Variants in EYS observed in about 807,000 individuals in gnomAD.
The protein encoded by EYS is EGF-like photoreceptor maintenance factor, also known as protein eyes shut homolog.
A neutral mutation model predicts 282.1 loss-of-function variants in EYS; 250 were observed. The observed-to-expected ratio is 0.89, with a 90% CI of 0.80 to 0.98. EYS has a LOEUF of 0.98. Ranked by LOEUF, EYS falls within the 50% of genes least tolerant of loss-of-function variation. The pLI is 0.00. For missense variants in EYS, 4,016 were observed against 3,709.0 expected, an observed-to-expected ratio of 1.08 and a Z score of -2.15; for synonymous variants, 1,355 against 1,282.9, an observed-to-expected ratio of 1.06 and a Z score of -1.20.
At chr6:65,412,440 C>T (rs1298544081) in intron 5 of EYS, among the ~76,000 whole-genome samples, 1 of 152,154 alleles carries the variant, frequency 6.6e-6, no homozygotes, top group African/African-American at 2.4e-5. Context: ...TACTAGTTTA[C>T]ATTTTCCACA....
At chr6:63,815,210 C>G (rs1771148561) in intron 36 of EYS, among the ~76,000 whole-genome samples, 1 of 152,104 alleles carries the variant, frequency 6.6e-6, no homozygotes, top group African/African-American at 2.4e-5. Flanking sequence ...GCTAGATGCC[C>G]TATCTAAATT....
intron 14 of EYS, among the ~76,000 whole-genome samples, chr6:64,979,347 A>G (rs1770578466): frequency 6.6e-6 from 1 of 151,800 alleles, no homozygotes; most frequent in Admixed American, 6.6e-5. Flanking sequence ...TGTACTAGCT[A>G]ATTAATTATA....
At chr6:64,225,538 C>T (rs1444421566) in intron 31 of EYS, among the ~76,000 whole-genome samples, 1 of 152,016 alleles carries the variant, frequency 6.6e-6, no homozygotes, top group Non-Finnish European at 1.5e-5. Context: ...CTTCCCATTG[C>T]TTTCTTTGAA....
At chr6:64,640,665 C>T (rs1396507060) in intron 22 of EYS, among the ~76,000 whole-genome samples, 1 of 151,956 alleles carries the variant, frequency 6.6e-6, no homozygotes, top group Non-Finnish European at 1.5e-5. Flanking sequence ...CACATGTATA[C>T]ATATGTAACT....
At chr6:64,244,018 C>T (rs368237895) in intron 30 of EYS, among the ~76,000 whole-genome samples, 265 of 152,132 alleles carry the variant, frequency 1.7e-3, no homozygotes, top group African/African-American at 6.1e-3. Flanking sequence ...AAAAATGTCC[C>T]CAGTTTTCAT....
At chr6:65,406,351 G>T (rs951241088) in intron 5 of EYS, among the ~76,000 whole-genome samples, 1 of 151,802 alleles carries the variant, frequency 6.6e-6, no homozygotes, top group Non-Finnish European at 1.5e-5. Context: ...TACGTGATTT[G>T]GCTTTCCATT....
At position 63,721,417 on chromosome 6, in the gene EYS, C is replaced by T; in HGVS notation, c.8614G>A (p.Gly2872Ser). 6.4e-7 allele frequency: 1 copy of T among 1,551,686 alleles called. No homozygotes were observed. Among genetic ancestry groups the T allele is most frequent in the Non-Finnish European group, 8.7e-7 (1 of 1,146,944 alleles). ...EFGAKGGSNVGDCDGTACGYN... is the reference protein window; with the variant it reads ...EFGAKGGSNVSDCDGTACGYN... ...CCACAGGCTGTCCCATCACAGTCACCTACATTTGAGCCACCTTTTGCTCCA... is the reference window on the plus strand; with the variant it reads ...CCACAGGCTGTCCCATCACAGTCACTTACATTTGAGCCACCTTTTGCTCCA... The change falls in exon 43 of 43, where the codon GGT (glycine) becomes AGT (serine). Residue 2872 changes from glycine (G) to serine (S), a missense_variant. Physicochemically the swap from Gly to Ser is moderately conservative, Grantham distance 56. Transcript: ENST00000503581.
intron 14 of EYS, among the ~76,000 whole-genome samples, chr6:64,987,090 T>C (rs544782354): frequency 1.3e-5 from 2 of 151,640 alleles, no homozygotes; most frequent in Admixed American, 6.6e-5. Context: ...TTATTATCAA[T>C]ATATTTAGAA....
At chr6:64,588,579 G>T (rs1766304569) in intron 26 of EYS, among the ~76,000 whole-genome samples, 1 of 151,966 alleles carries the variant, frequency 6.6e-6, no homozygotes, top group African/African-American at 2.4e-5. Flanking sequence ...TTCCATTTTA[G>T]GTTCTGGTCC....
chr6:65,601,433 T>C (rs1443734894), intron 2 of EYS, among the ~76,000 whole-genome samples: 4 of 151,922 alleles, frequency 2.6e-5, no homozygotes, highest in South Asian at 2.1e-4. Context: ...ATGCTTTTTT[T>C]TCCCCCACAG....
At chr6:63,865,370 G>A (rs1464454601) in intron 35 of EYS, among the ~76,000 whole-genome samples, 2 of 152,172 alleles carry the variant, frequency 1.3e-5, no homozygotes, top group African/African-American at 4.8e-5. Context: ...CTGTAGTTAT[G>A]TGAGACAATA....
intron 29 of EYS, among the ~76,000 whole-genome samples, chr6:64,343,476 G>A (rs1265750730): frequency 6.6e-6 from 1 of 152,046 alleles, no homozygotes; most frequent in Admixed American, 6.6e-5. Context: ...ATAATGAAAT[G>A]AAGGCAGAAA....
intron 24 of EYS, among the ~76,000 whole-genome samples, chr6:64,595,782 A>G (rs1005343193): frequency 1.3e-5 from 2 of 152,222 alleles, no homozygotes; most frequent in Admixed American, 1.3e-4. Context: ...AAGACATTGA[A>G]GAGGACAGAA....
At chr6:64,909,534 A>C (rs2150075202) in intron 16 of EYS, among the ~76,000 whole-genome samples, 1 of 152,256 alleles carries the variant, frequency 6.6e-6, no homozygotes, top group East Asian at 1.9e-4. Flanking sequence ...TATATAAAAT[A>C]ACCATATTGA....
intron 31 of EYS, among the ~76,000 whole-genome samples, chr6:64,101,606 A>G (rs1772829651): frequency 6.6e-6 from 1 of 152,108 alleles, no homozygotes; most frequent in African/African-American, 2.4e-5. Flanking sequence ...ATGTCTCTAC[A>G]AATATGAAAA....
chr6:64,686,460 G>A (rs1042442671), intron 22 of EYS, among the ~76,000 whole-genome samples: 1 of 151,464 alleles, frequency 6.6e-6, no homozygotes, highest in Non-Finnish European at 1.5e-5. Flanking sequence ...GATTATAATA[G>A]GGTGAGCGCG....
At chr6:64,909,011 A>C (rs140261018) in intron 16 of EYS, among the ~76,000 whole-genome samples, 2 of 152,000 alleles carry the variant, frequency 1.3e-5, no homozygotes, top group African/African-American at 2.4e-5. Context: ...CCGGGTACCC[A>C]CCCTTATCTG....
chr6:64,222,634 A>G (rs1766136750), intron 31 of EYS, among the ~76,000 whole-genome samples: 1 of 152,042 alleles, frequency 6.6e-6, no homozygotes, highest in Non-Finnish European at 1.5e-5. Context: ...ATTATTTAAA[A>G]TGTTAATATG....
In EYS at chr6:64,915,463, T is replaced by A. The variant is rs181247522; in HGVS notation, c.2382-2720A>T. On this transcript the variant is annotated intron_variant, in intron 15 of 42. Transcript: ENST00000503581. ...TATCTGCACTCTTTCATTTAGGAAG[T>A]TGAGGATCAGAGAGTTTAATGAAAT... Among the ~76,000 whole-genome samples, 12 of 152,270 alleles carry A rather than the reference T, an allele frequency of 7.9e-5. No individual in the cohort carries two copies. In the East Asian group the frequency reaches 2.1e-3, roughly 27 times the overall value.
Sources: gnomAD v4.1 joint callset for allele counts (sites outside exome capture counted in the v4.1 genomes callset) on GRCh38, gnomAD v4.1.1 for gene constraint, MANE v1.5 for transcripts, NCBI Gene and HGNC (gene_info 2026-07-23, HGNC 2026-07-21) for gene names.